Variants in PCCB observed in about 807,000 individuals in gnomAD.
PCCB encodes the protein propionyl-CoA carboxylase subunit beta.
A neutral mutation model predicts 60.7 loss-of-function variants in PCCB; 43 were observed. The ratio of observed to expected loss-of-function variants is 0.71; its 90% CI spans 0.55 to 0.91. The LOEUF (loss-of-function observed/expected upper bound fraction) is 0.91. Ranked by LOEUF, PCCB falls within the 40% of genes least tolerant of loss-of-function variation. The pLI is 0.00. For missense variants in PCCB, 766 were observed against 702.8 expected, an observed-to-expected ratio of 1.09 and a Z score of -1.02; for synonymous variants, 276 against 255.9, an observed-to-expected ratio of 1.08 and a Z score of -0.75.
At chr3:136,303,920 A>G (rs1478650763) in intron 9 of PCCB, among the ~76,000 whole-genome samples, 2 of 121,924 alleles carry the variant, frequency 1.6e-5, no homozygotes, top group South Asian at 3.2e-4. Context: ...TGCTTTATGT[A>G]TTAGTGTTCT....
At chr3:136,301,005 A>C in intron 8 of PCCB, 25 bp from the exon 9 acceptor site, 1 of 1,590,978 alleles carries the variant, frequency 6.3e-7, no homozygotes, top group South Asian at 1.1e-5. Context: ...TATGTTGACT[A>C]TACCTGCCTT....
Position 136,282,518 on chromosome 3 carries a change from C to G in PCCB, c.544-1319C>G, listed in dbSNP as rs1265602675. 2.0e-5 allele frequency among the ~76,000 whole-genome samples: 3 copies of G among 152,276 alleles called. No individual in the cohort carries two copies. In the East Asian group the frequency reaches 5.8e-4, roughly 29 times the overall value. ...TTACTATATATCTCTTAATTTATCA[C>G]AGTCTGCTTCAAATTAATACTGACT... On this transcript the variant is annotated intron_variant, in intron 5 of 14. Coordinates refer to ENST00000251654, the MANE Select transcript of PCCB (RefSeq NM_000532.5).
intron 9 of PCCB, among the ~76,000 whole-genome samples, chr3:136,315,947 C>A (rs950269565): frequency 6.6e-6 from 1 of 152,042 alleles, no homozygotes; most frequent in African/African-American, 2.4e-5. Flanking sequence ...TGGTCGGGCA[C>A]AGTGGCTCAC....
intron 10 of PCCB, among the ~76,000 whole-genome samples, chr3:136,325,609 G>T (rs117780761): frequency 6.6e-6 from 1 of 151,868 alleles, no homozygotes; most frequent in African/African-American, 2.4e-5. Flanking sequence ...CTGCCTGCCC[G>T]ACCTCCCAAA....
chr3:136,269,834 C>T (rs924608513), intron 5 of PCCB, among the ~76,000 whole-genome samples: 7 of 145,744 alleles, frequency 4.8e-5, no homozygotes, highest in Non-Finnish European at 4.5e-5. Context: ...TGTAGTGAGC[C>T]GAGATCGTGC....
Position 136,301,057 on chromosome 3 carries a change from A to C in PCCB, c.912A>C (p.Thr304=), listed in dbSNP as rs778118663. 1 of 1,614,142 alleles carries C rather than the reference A, an allele frequency of 6.2e-7. No homozygotes were observed. Among genetic ancestry groups the C allele is most frequent in the South Asian group, 1.1e-5 (1 of 91,084 alleles). The part of the protein sequence containing the change: ...PSDRLVPELD[T]IVPLESTKAY... The stretch of plus-strand genomic sequence containing the variant: ...ACCGTCTGGTTCCTGAGCTTGACAC[A>C]ATTGTCCCTTTGGAATCAACCAAAG... Residue 304 remains threonine (T), a synonymous_variant, in exon 9 of 15, where the codon ACA becomes ACC. Transcript: ENST00000251654.
chr3:136,275,959 C>T (rs55654524), intron 5 of PCCB, among the ~76,000 whole-genome samples: 24,555 of 151,914 alleles, frequency 0.16, 3,219 homozygotes, highest in African/African-American at 0.37. Context: ...TTAGTAGAGA[C>T]GGGGTTTCAG....
At chr3:136,257,390 A>G (rs1941700869) in intron 3 of PCCB, among the ~76,000 whole-genome samples, 1 of 152,204 alleles carries the variant, frequency 6.6e-6, no homozygotes, top group Admixed American at 6.5e-5. Flanking sequence ...TGGAGCCTCC[A>G]GAAGGGAGCA....
At chr3:136,251,683 T>C (rs1165394899) in intron 1 of PCCB, among the ~76,000 whole-genome samples, 2 of 152,100 alleles carry the variant, frequency 1.3e-5, no homozygotes, top group African/African-American at 4.8e-5. Context: ...TGTTAGATCA[T>C]CCTCTGGAAA....
At chr3:136,258,139 GAT>G (rs1412812438) in intron 3 of PCCB, among the ~76,000 whole-genome samples, 1 of 149,068 alleles carries the variant, frequency 6.7e-6, no homozygotes, top group African/African-American at 2.6e-5. Context: ...TGAAAAGAGA[GAT>G]AGAACAAAGA....
chr3:136,296,860 C>T (rs936225730), intron 7 of PCCB, among the ~76,000 whole-genome samples: 1 of 152,134 alleles, frequency 6.6e-6, no homozygotes, highest in South Asian at 2.1e-4. Context: ...AAATATTCAT[C>T]GAGTACCTAT....
intron 3 of PCCB, chr3:136,260,252 A>AT (rs1326616931): frequency 1.2e-5 from 7 of 592,500 alleles, no homozygotes; most frequent in East Asian, 3.0e-5. Context: ...TTTTTTCTAT[A>AT]TTTTTTGCAG....
intron 10 of PCCB, among the ~76,000 whole-genome samples, chr3:136,325,203 C>A (rs1240164366): frequency 6.6e-6 from 1 of 151,074 alleles, no homozygotes; most frequent in African/African-American, 2.4e-5. Context: ...TTTTTTTGTT[C>A]TTTTAGAGAC....
At chr3:136,293,199 C>T (rs751699992) in intron 6 of PCCB, among the ~76,000 whole-genome samples, 12 of 152,092 alleles carry the variant, frequency 7.9e-5, no homozygotes, top group Admixed American at 2.0e-4. Flanking sequence ...GACTGGGTCT[C>T]GCTATGTTGG....
At chr3:136,273,087 G>T (rs534960541) in intron 5 of PCCB, among the ~76,000 whole-genome samples, 1 of 152,206 alleles carries the variant, frequency 6.6e-6, no homozygotes, top group Non-Finnish European at 1.5e-5. Context: ...AATTATTCAG[G>T]AGCAGATTAT....
chr3:136,275,214 C>G (rs1391520186), intron 5 of PCCB, among the ~76,000 whole-genome samples: 1 of 152,116 alleles, frequency 6.6e-6, no homozygotes, highest in Non-Finnish European at 1.5e-5. Flanking sequence ...TTGTTCTGGT[C>G]TATTGTTGAA....
chr3:136,294,093 G>A (rs746259163), intron 7 of PCCB, among the ~76,000 whole-genome samples: 7 of 152,046 alleles, frequency 4.6e-5, no homozygotes, highest in Non-Finnish European at 8.8e-5. Flanking sequence ...GTAATGCTTG[G>A]TTATTCTTTA....
Position 136,250,492 on chromosome 3 carries a change from C to T in PCCB, c.117C>T (p.Ile39=). 1.2e-6 allele frequency: 2 copies of T among 1,612,844 alleles called. No individual in the cohort carries two copies. Among genetic ancestry groups the T allele is most frequent in the African/African-American group, 2.7e-5 (2 of 75,058 alleles). ...AGGCCACCTCTGTTAACGAACGCAT[C>T]GAAAACAAGCGCCGGACCGCGCTGC... The part of the protein sequence containing the change: ...CSQATSVNER[I]ENKRRTALLG... Residue 39 remains isoleucine (I), a synonymous_variant, in exon 1 of 15, where the codon ATC becomes ATT. Transcript: ENST00000251654.
At chr3:136,300,970 C>G (rs1295233469) in intron 8 of PCCB, 60 bp from the exon 9 acceptor site, 2 of 1,284,950 alleles carry the variant, frequency 1.6e-6, no homozygotes, top group East Asian at 4.6e-5. Flanking sequence ...CCACCCCATT[C>G]CCACAAAAGG....
Sources: allele counts gnomAD v4.1 joint callset (sites outside exome capture counted in the v4.1 genomes callset), GRCh38; gene constraint gnomAD v4.1.1; transcripts MANE v1.5; gene names NCBI Gene and HGNC (gene_info 2026-07-23, HGNC 2026-07-21).